The following DUS2 variants were observed in gnomAD, a reference collection of about 807,000 sequenced individuals.
The protein encoded by DUS2 is tRNA-dihydrouridine(20) synthase [NAD(P)+]-like.
DUS2 carries 52 observed loss-of-function variants against 71.3 expected under a neutral mutation model. That is an observed-to-expected ratio of 0.73 (90% CI 0.58 to 0.92). The LOEUF (loss-of-function observed/expected upper bound fraction) is 0.92. Among genes scored for constraint, DUS2 ranks in the 40% least tolerant of loss-of-function variants. The probability of loss-of-function intolerance (pLI) is 0.00; values close to 1 mark genes in which losing one functional copy is unlikely to be tolerated. For synonymous variants in DUS2, 204 were observed against 227.8 expected (o/e 0.90, Z 0.94); for missense variants, 558 against 622.6 (o/e 0.90, Z 1.10).
chr16:68,055,435 C>T (rs959296488), intron 6 of DUS2, among the ~76,000 whole-genome samples: 7 of 152,086 alleles, frequency 4.6e-5, no homozygotes, highest in Admixed American at 2.0e-4. Flanking sequence ...GCCTGGGGAA[C>T]ACAGTGAGAC....
intron 2 of DUS2, among the ~76,000 whole-genome samples, chr16:68,036,572 G>A (rs1164589102): frequency 6.6e-6 from 1 of 152,058 alleles, no homozygotes; most frequent in Non-Finnish European, 1.5e-5. Flanking sequence ...CAAAGTGCTA[G>A]GATTACAAGC....
At chr16:68,025,116 C>T (rs895524699) in intron 1 of DUS2, among the ~76,000 whole-genome samples, 6 of 152,084 alleles carry the variant, frequency 3.9e-5, no homozygotes, top group South Asian at 4.2e-4. Flanking sequence ...AGGTGTGAGC[C>T]GCTGTGCCCG....
At chr16:68,033,371 A>G (rs1402014790) in intron 2 of DUS2, among the ~76,000 whole-genome samples, 1 of 152,202 alleles carries the variant, frequency 6.6e-6, no homozygotes, top group Non-Finnish European at 1.5e-5. Flanking sequence ...TGGAGATGCT[A>G]TTAATGAAAT....
intron 12 of DUS2, among the ~76,000 whole-genome samples, chr16:68,072,932 C>T (rs2034107793): frequency 6.6e-6 from 1 of 152,302 alleles, no homozygotes; most frequent in Non-Finnish European, 1.5e-5. Flanking sequence ...CTAAATGATG[C>T]TGTGTTTTAC....
intron 3 of DUS2, among the ~76,000 whole-genome samples, chr16:68,047,884 G>A (rs888152026): frequency 6.6e-6 from 1 of 150,980 alleles, no homozygotes; most frequent in African/African-American, 2.4e-5. Context: ...GGGCTTAAGC[G>A]ATTCTCCTGC....
intron 3 of DUS2, among the ~76,000 whole-genome samples, chr16:68,047,559 C>G (rs1362760163): frequency 1.3e-4 from 19 of 151,758 alleles, no homozygotes; most frequent in Admixed American, 3.3e-4. Flanking sequence ...TCTCGGCTCA[C>G]TGCAACCTCC....
In DUS2 at chr16:68,078,734, C is replaced by T. The variant is rs777512220; in HGVS notation, c.1245-15C>T. 3 of 1,597,176 alleles carry T rather than the reference C, an allele frequency of 1.9e-6. No individual in the cohort carries two copies. The highest frequency in any genetic ancestry group is 2.6e-6 in the Non-Finnish European group (3 of 1,168,296). ...TGCACCCTGCCCCTCACCTTATTGC[C>T]CTCTGTCTGCTCAGGGACAAGTCCA... On this transcript the variant is annotated splice_polypyrimidine_tract_variant and intron_variant, in intron 16 of 16. Transcript: ENST00000565263.
chr16:68,054,423 C>T, intron 5 of DUS2, 151 bp from the exon 6 acceptor site: 1 of 775,962 alleles, frequency 1.3e-6, no homozygotes, highest in East Asian at 2.5e-5. Context: ...GTGAGCTAGT[C>T]TAGTGGGCTG....
At chr16:68,061,212 C>G in intron 8 of DUS2, 99 bp downstream of exon 8, 1 of 1,277,332 alleles carries the variant, frequency 7.8e-7, no homozygotes, top group South Asian at 1.3e-5. Context: ...TTACTGATGT[C>G]CACCCAGTTT....
rs377085349 is a variant in DUS2 at position 68,065,161 on chromosome 16, T to G, written c.418-1156T>G. On this transcript the variant is annotated intron_variant, in intron 8 of 16. Transcript: ENST00000565263. ...GACTTCTTGATCTTTCTTTGAAATC[T>G]TTTGCAATTGCTATGTGATAAGCAC... is the stretch of plus-strand genomic sequence containing the variant. 5.3e-5 allele frequency among the ~76,000 whole-genome samples: 8 copies of G among 152,336 alleles called. No individual in the cohort carries two copies. The East Asian group carries it at 1.3e-3, about 26-fold the overall frequency.
intron 2 of DUS2, among the ~76,000 whole-genome samples, chr16:68,032,908 C>CAAAAAA (rs71145986): frequency 9.3e-4 from 54 of 57,940 alleles, no homozygotes; most frequent in Non-Finnish European, 1.2e-3. Flanking sequence ...GACTCCATCT[C>CAAAAAA]AAAAAAAAAA....
At chr16:68,024,831 C>CTTTT (rs568848831) in intron 1 of DUS2, among the ~76,000 whole-genome samples, 3 of 132,240 alleles carry the variant, frequency 2.3e-5, no homozygotes, top group Non-Finnish European at 3.3e-5. Context: ...TGGCTGGATA[C>CTTTT]TTTTTTTTTT....
At chr16:68,060,975 C>A in intron 7 of DUS2, 91 bp from the exon 8 acceptor site, 1 of 1,281,240 alleles carries the variant, frequency 7.8e-7, no homozygotes, top group Non-Finnish European at 1.1e-6. Flanking sequence ...AAGTGAGTGC[C>A]GGGGTGACGC....
intron 8 of DUS2, among the ~76,000 whole-genome samples, chr16:68,062,718 C>CAAAAAA (rs552579994): frequency 1.2e-4 from 6 of 48,720 alleles, no homozygotes; most frequent in African/African-American, 3.3e-4. Context: ...GACTCCGTCT[C>CAAAAAA]AAAAAAAAAA....
At chr16:68,067,754 G>C (rs2034031012) in intron 10 of DUS2, among the ~76,000 whole-genome samples, 1 of 151,924 alleles carries the variant, frequency 6.6e-6, no homozygotes, top group African/African-American at 2.4e-5. Context: ...CAAACTCCTG[G>C]GCTCAAGTAA....
chr16:68,073,259 TTTTAA>T (rs1359408669), intron 12 of DUS2, among the ~76,000 whole-genome samples: 1 of 152,126 alleles, frequency 6.6e-6, no homozygotes, highest in African/African-American at 2.4e-5. Context: ...CGAAGTGGCT[TTTTAA>T]TTTATTTTTA....
rs114057299 is a variant in DUS2 at position 68,051,890 on chromosome 16, T to C, written c.173-1674T>C. Reference sequence around the variant, plus strand: ...CATTTCAGCAGTATGGTTGGGACCATTTTATTTTATTTATTTTATATTTTT... The same window carrying C: ...CATTTCAGCAGTATGGTTGGGACCACTTTATTTTATTTATTTTATATTTTT... On this transcript the variant is annotated intron_variant, in intron 4 of 16. Transcript: ENST00000565263. Among the ~76,000 whole-genome samples the C allele has an allele frequency of 2.6e-3, 395 of 152,158 alleles. 3 individuals carry two copies. Among genetic ancestry groups the C allele is most frequent in the African/African-American group, 9.0e-3 (375 of 41,536 alleles).
At chr16:68,040,452 C>A (rs2033606198) in intron 3 of DUS2, among the ~76,000 whole-genome samples, 1 of 152,178 alleles carries the variant, frequency 6.6e-6, no homozygotes, top group East Asian at 1.9e-4. Flanking sequence ...GTATGTGACC[C>A]TCCTAATTGG....
intron 2 of DUS2, among the ~76,000 whole-genome samples, chr16:68,032,038 C>T (rs1419759289): frequency 6.6e-6 from 1 of 152,062 alleles, no homozygotes; most frequent in African/African-American, 2.4e-5. Flanking sequence ...GGAGACCAGC[C>T]CTTAAAAGGA....
Sources: allele counts gnomAD v4.1 joint callset (sites outside exome capture counted in the v4.1 genomes callset), GRCh38; gene constraint gnomAD v4.1.1; transcripts MANE v1.5; gene names NCBI Gene and HGNC (gene_info 2026-07-23, HGNC 2026-07-21).